The following CACNG1 variants were observed in gnomAD, a reference collection of about 807,000 sequenced individuals.
CACNG1 encodes the protein calcium voltage-gated channel auxiliary subunit gamma 1, also known as voltage-dependent calcium channel gamma-1 subunit.
CACNG1 carries 21 observed loss-of-function variants against 22.0 expected under a neutral mutation model. The observed-to-expected ratio is 0.95, with a 90% CI of 0.68 to 1.37. The LOEUF is 1.37. CACNG1 is among the 40% of genes most tolerant of loss of function. CACNG1 has a pLI of 0.00. For synonymous variants in CACNG1, 127 were observed against 129.2 expected, an observed-to-expected ratio of 0.98 and a Z score of 0.12; for missense variants, 291 against 308.6, an observed-to-expected ratio of 0.94 and a Z score of 0.43.
At position 67,056,188 on chromosome 17, in the gene CACNG1, G is replaced by A. The variant is rs1799938; in HGVS notation, c.586G>A (p.Gly196Ser). The change falls in exon 4 of 4, where the codon GGT (glycine) becomes AGT (serine). Residue 196 changes from glycine (G) to serine (S), a missense_variant. Transcript: ENST00000226021. This position sits in a 1 kb window ranked among gnomAD's most constrained non-coding sequence, Gnocchi z 4.3. The part of the protein sequence containing the change: ...CAAFILLFLG[G>S]LALLLFSLPR... The stretch of plus-strand genomic sequence containing the variant: ...CGCCTTCATCCTCCTCTTTCTCGGC[G>A]GTCTCGCCCTCCTGCTGTTCTCCCT... The A allele has an allele frequency of 0.12, 187,224 of 1,613,600 alleles. 11,846 individuals carry two copies. Among genetic ancestry groups the A allele is most frequent in the Admixed American group, 0.19 (11,285 of 59,980 alleles).
chr17:67,053,247 T>A (rs2035738365), intron 1 of CACNG1, among the ~76,000 whole-genome samples: 1 of 152,152 alleles, frequency 6.6e-6, no homozygotes. Flanking sequence ...ATCCAGGCCA[T>A]CCCAATGGCC....
At chr17:67,053,954 G>A (rs774123413) in intron 1 of CACNG1, 42 bp from the exon 2 acceptor site, 56 of 1,473,160 alleles carry the variant, frequency 3.8e-5, no homozygotes, top group Non-Finnish European at 4.8e-5. Context: ...TCCTTGCTAC[G>A]GGTTGCTCCC....
At chr17:67,051,605 C>T (rs1402291457) in intron 1 of CACNG1, among the ~76,000 whole-genome samples, 1 of 152,198 alleles carries the variant, frequency 6.6e-6, no homozygotes, top group African/African-American at 2.4e-5. Flanking sequence ...AGGCCCCCTC[C>T]CTCCATTTGA....
chr17:67,048,369 C>T (rs900210083), intron 1 of CACNG1, among the ~76,000 whole-genome samples: 1 of 151,164 alleles, frequency 6.6e-6, no homozygotes, highest in Non-Finnish European at 1.5e-5. Context: ...GTGGCATGTG[C>T]CTGTAATTCT....
chr17:67,049,223 T>C (rs1023958407), intron 1 of CACNG1, among the ~76,000 whole-genome samples: 3 of 152,162 alleles, frequency 2.0e-5, no homozygotes, highest in African/African-American at 7.2e-5. Context: ...AGCCAATTTT[T>C]CCCCAAATCT....
chr17:67,055,910 C>T lies in CACNG1; in HGVS notation c.443-135C>T, dbSNP rs2035758430. 1 of 659,134 alleles carries T rather than the reference C, an allele frequency of 1.5e-6. No homozygotes were observed. The allele number at this position is 659,134 out of a possible 1,614,324, so 40.8% of individuals were successfully genotyped here. A position where few individuals can be genotyped will look rare whatever the true frequency, so the allele number is the denominator to read the frequency against. ...ACAAATGGATCCTTCTGCAGGTTCC[C>T]ATCTAGAACCTGCCTTGAGGCAGCT... On this transcript the variant is annotated intron_variant, in intron 3 of 3. Transcript: ENST00000226021. The surrounding 1 kb of genome is among the most constrained non-coding windows in gnomAD (Gnocchi z 4.5).
chr17:67,044,630 T>A lies in CACNG1; in HGVS notation c.-31T>A, dbSNP rs980405876. ...CCTAGGAGACGCAGCCGCCGGACCC[T>A]GCCCAGGGCACCCACGCCTCGGCGA... On this transcript the variant is annotated 5_prime_UTR_variant, in exon 1 of 4. Coordinates refer to ENST00000226021, the MANE Select transcript of CACNG1 (RefSeq NM_000727.4). This position sits in a 1 kb window ranked among gnomAD's most constrained non-coding sequence, Gnocchi z 6.9. 4.0e-6 allele frequency: 6 copies of A among 1,509,898 alleles called. No individual in the cohort carries two copies. The highest frequency in any genetic ancestry group is 1.4e-5 in the African/African-American group (1 of 73,350). 93.5% of individuals were successfully genotyped at this position (1,509,898 alleles called of 1,614,324 possible). A position where few individuals can be genotyped will look rare whatever the true frequency, so the allele number is the denominator to read the frequency against.
At chr17:67,048,326 CAAAAA>C (rs80024812) in intron 1 of CACNG1, among the ~76,000 whole-genome samples, 2 of 133,196 alleles carry the variant, frequency 1.5e-5, no homozygotes, top group African/African-American at 5.7e-5. Context: ...AAAAAAAAAA[CAAAAA>C]AAAAACCCCA....
intron 1 of CACNG1, among the ~76,000 whole-genome samples, chr17:67,048,394 C>A (rs2035710083): frequency 6.6e-6 from 1 of 151,600 alleles, no homozygotes; most frequent in African/African-American, 2.4e-5. Flanking sequence ...ACTCCCAAGG[C>A]TTAGGTGAGG....
Position 67,055,179 on chromosome 17 carries a change from G to C in CACNG1, c.381G>C (p.Leu127=). ...TCCTGGGCAGCCTCTGTGTCCTCCT[G>C]TCCCTCGGGAAGAAGAGGGACTATC... ...FIILGSLCVL[L]SLGKKRDYLL... is the part of the protein sequence containing the mutation. The change falls in exon 3 of 4, where the codon CTG becomes CTC. Residue 127 remains leucine, a synonymous_variant. Coordinates refer to ENST00000226021, the MANE Select transcript of CACNG1 (RefSeq NM_000727.4). This position sits in a 1 kb window ranked among gnomAD's most constrained non-coding sequence, Gnocchi z 4.5. The C allele has an allele frequency of 3.1e-6, 5 of 1,614,222 alleles. No individual in the cohort carries two copies. The highest frequency in any genetic ancestry group is 4.2e-6 in the Non-Finnish European group (5 of 1,180,024).
In CACNG1 at chr17:67,054,794, ACACT is replaced by A. The variant is rs1215544864; in HGVS notation, c.305-308_305-305del. ...GACACACAGTGACACACACAGACAC[ACACT>A]GACACACACGTACAATGACACAGAC... On this transcript the variant is annotated intron_variant, in intron 2 of 3. Coordinates refer to ENST00000226021, the MANE Select transcript of CACNG1 (RefSeq NM_000727.4). This position sits in a 1 kb window ranked among gnomAD's most constrained non-coding sequence, Gnocchi z 4.6. 6.6e-6 allele frequency among the ~76,000 whole-genome samples: 1 copy of A among 151,808 alleles called. No homozygotes were observed. The highest frequency in any genetic ancestry group is 1.5e-5 in the Non-Finnish European group (1 of 67,936).
Position 67,056,115 on chromosome 17 carries a change from C to A in CACNG1, c.513C>A (p.Thr171=). ...AGCGCATGATTGACAGTGAGGACAC[C>A]GTCTGGATCGAGTACTATTACTCCT... ...SVKRMIDSED[T]VWIEYYYSWS... is the part of the protein sequence containing the mutation. The change falls in exon 4 of 4, where the codon ACC becomes ACA. Residue 171 remains threonine (T), a synonymous_variant. Coordinates refer to ENST00000226021, the MANE Select transcript of CACNG1 (RefSeq NM_000727.4). This position sits in a 1 kb window ranked among gnomAD's most constrained non-coding sequence, Gnocchi z 4.3. The A allele has an allele frequency of 6.2e-7, 1 of 1,613,698 alleles. No individual in the cohort carries two copies. Among genetic ancestry groups the A allele is most frequent in the Non-Finnish European group, 8.5e-7 (1 of 1,179,934 alleles).
chr17:67,045,680 A>G (rs1168506612), intron 1 of CACNG1, among the ~76,000 whole-genome samples: 6 of 151,020 alleles, frequency 4.0e-5, no homozygotes, highest in African/African-American at 1.5e-4. Flanking sequence ...GCACCACCAC[A>G]CCCATCTAAT....
Position 67,056,373 on chromosome 17 carries a change from T to C in CACNG1, c.*102T>C. The stretch of plus-strand genomic sequence containing the variant: ...GGCGGGAGCAATTTTAGCCCCACCC[T>C]GCTCCCATCTGCCCCCCTGCAACAG... On this transcript the variant is annotated 3_prime_UTR_variant, in exon 4 of 4. Transcript: ENST00000226021. The surrounding 1 kb of genome is among the most constrained non-coding windows in gnomAD (Gnocchi z 4.3). 1 of 917,838 alleles carries C rather than the reference T, an allele frequency of 1.1e-6. No individual in the cohort carries two copies. The highest frequency in any genetic ancestry group is 1.6e-5 in the African/African-American group (1 of 61,088). 56.9% of individuals were successfully genotyped at this position (917,838 alleles called of 1,614,324 possible).
Position 67,044,859 on chromosome 17 carries a change from AAGACCTGCG to A in CACNG1, c.200_208del (p.Lys67_Gly70delinsArg), listed in dbSNP as rs747594513. 2.2e-5 allele frequency: 36 copies of A among 1,613,160 alleles called. No homozygotes were observed. Among genetic ancestry groups the A allele is most frequent in the Non-Finnish European group, 2.9e-5 (34 of 1,180,008 alleles). On this transcript the variant is annotated inframe_deletion, in exon 1 of 4. Transcript: ENST00000226021. This position sits in a 1 kb window ranked among gnomAD's most constrained non-coding sequence, Gnocchi z 6.9. ...CAAGCGCATCCCCATGGACGACAGC[AAGACCTGCG>A]GGCCCATCACCCTGCCCGGGGGTAA...
At chr17:67,052,186 G>C (rs2035731780) in intron 1 of CACNG1, among the ~76,000 whole-genome samples, 1 of 152,170 alleles carries the variant, frequency 6.6e-6, no homozygotes, top group Non-Finnish European at 1.5e-5. Context: ...GAGAATAGCA[G>C]AGCACCAATT....
Position 67,055,074 on chromosome 17 carries a change from C to T in CACNG1, c.305-29C>T, listed in dbSNP as rs369953732. The T allele has an allele frequency of 5.9e-5, 94 of 1,602,280 alleles. No homozygotes were observed. The African/African-American group carries it at 6.0e-4, about 10-fold the overall frequency. On this transcript the variant is annotated intron_variant, in intron 2 of 3. Coordinates refer to ENST00000226021, the MANE Select transcript of CACNG1 (RefSeq NM_000727.4). The surrounding 1 kb of genome is among the most constrained non-coding windows in gnomAD (Gnocchi z 4.5). ...ATGACAAGAGCTCCCATGCTGAGGC[C>T]GCATGCTGGGTGTCCCTTGTGTTTG...
chr17:67,054,205 A>C lies in CACNG1; in HGVS notation c.304+135A>C. 2 of 717,496 alleles carry C rather than the reference A, an allele frequency of 2.8e-6. No individual in the cohort carries two copies. Among genetic ancestry groups the C allele is most frequent in the East Asian group, 2.7e-5 (1 of 37,186 alleles). The allele number at this position is 717,496 out of a possible 1,614,324, so 44.4% of individuals were successfully genotyped here. ...GAAGAAGCCTGTGGTGCATTTGAAC[A>C]ACAGCCTTGTCAGCTCCCCGCTCCG... On this transcript the variant is annotated intron_variant, in intron 2 of 3. Coordinates refer to ENST00000226021, the MANE Select transcript of CACNG1 (RefSeq NM_000727.4). This position sits in a 1 kb window ranked among gnomAD's most constrained non-coding sequence, Gnocchi z 4.6.
At chr17:67,049,954 T>C (rs16960497) in intron 1 of CACNG1, among the ~76,000 whole-genome samples, 17,846 of 152,232 alleles carry the variant, frequency 0.12, 1,255 homozygotes, top group South Asian at 0.17. Flanking sequence ...GACTTCCATG[T>C]ACAAGATCAA....
Sources: allele counts gnomAD v4.1 joint callset (sites outside exome capture counted in the v4.1 genomes callset), GRCh38; gene constraint gnomAD v4.1.1; non-coding constraint Gnocchi (gnomAD v3.1); transcripts MANE v1.5; gene names NCBI Gene and HGNC (gene_info 2026-07-23, HGNC 2026-07-21).